PTPN7: variants seen among roughly 807,000 people sequenced by gnomAD.
The protein encoded by PTPN7 is protein tyrosine phosphatase non-receptor type 7, also known as tyrosine-protein phosphatase non-receptor type 7.
PTPN7 carries 33 observed loss-of-function variants against 50.3 expected under a neutral mutation model. That is an observed-to-expected ratio of 0.66 (90% CI 0.50 to 0.88). The LOEUF (loss-of-function observed/expected upper bound fraction) is 0.88, where lower values mean the gene tolerates loss of function less well. Ranked by LOEUF, PTPN7 falls within the 40% of genes least tolerant of loss-of-function variation. The pLI, the probability that PTPN7 is intolerant of heterozygous loss-of-function variation, is 0.00. For missense variants in PTPN7, 412 were observed against 475.4 expected, an observed-to-expected ratio of 0.87 and a Z score of 1.24; for synonymous variants, 185 against 186.6, an observed-to-expected ratio of 0.99 and a Z score of 0.07.
In PTPN7 at chr1:202,160,597, C is replaced by A. The variant is rs772046918; in HGVS notation, c.-105G>T. 6.4e-7 allele frequency: 1 copy of A among 1,550,388 alleles called. No homozygotes were observed. Among genetic ancestry groups the A allele is most frequent in the South Asian group, 1.2e-5 (1 of 84,066 alleles). ...TCTTGCCAGCTGTCTGTCTGTCTGTCGGTCTGTCTTTGAGGGCTGAGAAGG... is the reference window on the plus strand; with the variant it reads ...TCTTGCCAGCTGTCTGTCTGTCTGTAGGTCTGTCTTTGAGGGCTGAGAAGG... On this transcript the variant is annotated 5_prime_UTR_variant, in exon 1 of 10. Transcript: ENST00000691036. The surrounding 1 kb of genome is among the most constrained non-coding windows in gnomAD (Gnocchi z 4.8).
rs1655445378 is a variant in PTPN7, at chr1:202,147,397, G to C, written c.*1209C>G. 2.0e-5 allele frequency: 3 copies of C among 152,168 alleles called. No homozygotes were observed. Among genetic ancestry groups the C allele is most frequent in the Admixed American group, 2.0e-4 (3 of 15,260 alleles). 9.4% of individuals were successfully genotyped at this position (152,168 alleles called of 1,614,324 possible). ...AGTGAGGAGGCCCAGCTGTTCTCCA[G>C]ATCCAACTCCTCGGGGGTTTCCACA... On this transcript the variant is annotated 3_prime_UTR_variant, in exon 10 of 10. Transcript: ENST00000691036.
intron 4 of PTPN7, among the ~76,000 whole-genome samples, chr1:202,156,550 C>T (rs1354226093): frequency 1.3e-5 from 2 of 152,218 alleles, no homozygotes; most frequent in East Asian, 3.8e-4. Context: ...GAGACTCTCG[C>T]TCTGCTCATG....
intron 6 of PTPN7, 78 bp downstream of exon 6, chr1:202,154,108 C>A (rs543372342): frequency 7.7e-6 from 12 of 1,558,134 alleles, no homozygotes; most frequent in Non-Finnish European, 9.6e-6. Context: ...TGGTTCTGAG[C>A]TGCCCTGTGT....
intron 4 of PTPN7, among the ~76,000 whole-genome samples, chr1:202,156,345 A>T (rs1656656419): frequency 6.6e-6 from 1 of 152,236 alleles, no homozygotes. Flanking sequence ...ATGTAGAGGA[A>T]GAAGAATTTG....
At chr1:202,161,259 G>C, upstream of PTPN7, 1 of 1,144,040 alleles carries the variant, frequency 8.7e-7, no homozygotes, top group Non-Finnish European at 1.1e-6. Context: ...CGGCCTGAGT[G>C]TAGGCCAGCC....
intron 6 of PTPN7, 144 bp from the exon 7 acceptor site, chr1:202,153,979 A>T (rs974145015): frequency 2.0e-6 from 2 of 982,354 alleles, no homozygotes; most frequent in East Asian, 4.9e-5. Context: ...TCTGAGCTTG[A>T]TACCTGCAAG....
intron 8 of PTPN7, among the ~76,000 whole-genome samples, chr1:202,151,171 A>G (rs992679612): frequency 6.6e-6 from 1 of 152,178 alleles, no homozygotes; most frequent in African/African-American, 2.4e-5. Flanking sequence ...TGGCAAATCC[A>G]AGTGTCTTAG....
chr1:202,161,454 G>T, upstream of PTPN7: 1 of 1,289,796 alleles, frequency 7.8e-7, no homozygotes, highest in Non-Finnish European at 1.0e-6. Context: ...TGGGGTGCCT[G>T]GATGCCTGGG....
Position 202,148,337 on chromosome 1 carries a change from CT to C in PTPN7, c.*268del. ...GTCTGTCATAAATGCCAGCTCCTGT[CT>C]TTAAGTTCAGAGAGACATTGGAGGT... is the stretch of plus-strand genomic sequence containing the variant. On this transcript the variant is annotated 3_prime_UTR_variant, in exon 10 of 10. Coordinates refer to ENST00000691036, the MANE Select transcript of PTPN7 (RefSeq NM_002832.4). 2.7e-6 allele frequency: 1 copy of C among 375,790 alleles called. No individual in the cohort carries two copies. Among genetic ancestry groups the C allele is most frequent in the South Asian group, 7.1e-5 (1 of 14,002 alleles). 23.3% of individuals were successfully genotyped at this position (375,790 alleles called of 1,614,324 possible).
At chr1:202,148,849 T>A in intron 9 of PTPN7, 150 bp from the exon 10 acceptor site, 4 of 304,280 alleles carry the variant, frequency 1.3e-5, no homozygotes, top group African/African-American at 1.2e-4. Flanking sequence ...TCTTTTCACT[T>A]TTTTTTTTTT....
intron 5 of PTPN7, 33 bp downstream of exon 5, chr1:202,155,500 T>C: frequency 6.6e-7 from 1 of 1,517,216 alleles, no homozygotes; most frequent in South Asian, 1.1e-5. Flanking sequence ...AATTCCCCCA[T>C]TCCCCGCCCA....
chr1:202,154,309 C>A lies in PTPN7; in HGVS notation c.483G>T (p.Lys161Asn). ...NANYIRGYDG[K>N]EKVYIATQGP... The stretch of plus-strand genomic sequence containing the variant: ...CCTGGGTGGCAATGTAGACCTTCTC[C>A]TTCCCGTCATAGCCCTGGAAGGTGG... The change falls in exon 6 of 10, where the codon AAG becomes AAT. Residue 161 changes from lysine to asparagine, a missense_variant. Physicochemically the swap from Lys to Asn is moderately conservative, Grantham distance 94. Coordinates refer to ENST00000691036, the MANE Select transcript of PTPN7 (RefSeq NM_002832.4). 1 of 1,613,238 alleles carries A rather than the reference C, an allele frequency of 6.2e-7. No individual in the cohort carries two copies.
In PTPN7 at chr1:202,160,178, T is replaced by C. The variant is rs1403490379; in HGVS notation, c.-53+367A>G. On this transcript the variant is annotated intron_variant, in intron 1 of 9. Transcript: ENST00000691036. This position sits in a 1 kb window ranked among gnomAD's most constrained non-coding sequence, Gnocchi z 4.8. ...ATGGAGGTGGTGGGACCATCTCCTC[T>C]TGGGGGCAGTCCCTATCTCCCAGAG... Among the ~76,000 whole-genome samples the C allele has an allele frequency of 2.0e-5, 3 of 152,038 alleles. No homozygotes were observed. Among genetic ancestry groups the C allele is most frequent in the Non-Finnish European group, 4.4e-5 (3 of 67,978 alleles).
chr1:202,147,945 T>C lies in PTPN7; in HGVS notation c.*661A>G, dbSNP rs1265975893. 6.6e-6 allele frequency: 1 copy of C among 152,302 alleles called. No individual in the cohort carries two copies. The highest frequency in any genetic ancestry group is 1.5e-5 in the Non-Finnish European group (1 of 68,100). The allele number at this position is 152,302 out of a possible 1,614,324, so 9.4% of individuals were successfully genotyped here. ...TGGTCACCTCTGTAGCCTACTCTTA[T>C]GACACATGGGTGGAGGCAAGGGTAA... On this transcript the variant is annotated 3_prime_UTR_variant, in exon 10 of 10. Transcript: ENST00000691036.
chr1:202,154,108 C>T (rs543372342), intron 6 of PTPN7, 78 bp downstream of exon 6: 4 of 1,558,132 alleles, frequency 2.6e-6, no homozygotes, highest in East Asian at 2.4e-5. Flanking sequence ...TGGTTCTGAG[C>T]TGCCCTGTGT....
rs1655438044 is a variant in PTPN7, at chr1:202,147,298, A to G, written c.*1308T>C. ...GCTGTAAGGAAGGAGCAGCTCCTCCATAAGGCCAAGCAGAAGCATTAGGGA... is the reference window on the plus strand; with the variant it reads ...GCTGTAAGGAAGGAGCAGCTCCTCCGTAAGGCCAAGCAGAAGCATTAGGGA... On this transcript the variant is annotated 3_prime_UTR_variant, in exon 10 of 10. Coordinates refer to ENST00000691036, the MANE Select transcript of PTPN7 (RefSeq NM_002832.4). 1 of 151,838 alleles carries G rather than the reference A, an allele frequency of 6.6e-6. No individual in the cohort carries two copies. The highest frequency in any genetic ancestry group is 1.5e-5 in the Non-Finnish European group (1 of 67,964). 9.4% of individuals were successfully genotyped at this position (151,838 alleles called of 1,614,324 possible). A position where few individuals can be genotyped will look rare whatever the true frequency, so the allele number is the denominator to read the frequency against.
At position 202,160,119 on chromosome 1, in the gene PTPN7, T is replaced by G; in HGVS notation, c.-53+426A>C. On this transcript the variant is annotated intron_variant, in intron 1 of 9. Transcript: ENST00000691036. This position sits in a 1 kb window ranked among gnomAD's most constrained non-coding sequence, Gnocchi z 4.8. ...CACCAAGCCCTTGAACGACAGCGCA[T>G]GGTGAGGCGACAGCTGGGGGCAAGA... 1 of 410,284 alleles carries G rather than the reference T, an allele frequency of 2.4e-6. No homozygotes were observed. Among genetic ancestry groups the G allele is most frequent in the East Asian group, 1.4e-4 (1 of 7,366 alleles). 25.4% of individuals were successfully genotyped at this position (410,284 alleles called of 1,614,324 possible). A position where few individuals can be genotyped will look rare whatever the true frequency, so the allele number is the denominator to read the frequency against.
Position 202,157,823 on chromosome 1 carries a change from T to G in PTPN7, c.307A>C (p.Lys103Gln). ...GGGCTGACAAAGTTTGAAGGGATCTTCTGGCAGGGGGAGGAAATGGGTGAG... is the reference window on the plus strand; with the variant it reads ...GGGCTGACAAAGTTTGAAGGGATCTGCTGGCAGGGGGAGGAAATGGGTGAG... ...SPKQLEEEFL[K>Q]IPSNFVSPED... The change falls in exon 4 of 10, where the codon AAG becomes CAG. Residue 103 changes from lysine to glutamine, a missense_variant and splice_region_variant. Transcript: ENST00000691036. 6.2e-7 allele frequency: 1 copy of G among 1,613,868 alleles called. No individual in the cohort carries two copies. Among genetic ancestry groups the G allele is most frequent in the Non-Finnish European group, 8.5e-7 (1 of 1,179,730 alleles).
upstream of PTPN7, chr1:202,161,425 C>A: frequency 1.6e-6 from 2 of 1,289,222 alleles, no homozygotes. Flanking sequence ...CCAGGGGACT[C>A]CCATGTCCTC....
Sources: allele counts gnomAD v4.1 joint callset (sites outside exome capture counted in the v4.1 genomes callset), GRCh38; gene constraint gnomAD v4.1.1; non-coding constraint Gnocchi (gnomAD v3.1); transcripts MANE v1.5; gene names NCBI Gene and HGNC (gene_info 2026-07-23, HGNC 2026-07-21).